Variants in MGAT5B observed in about 807,000 individuals in gnomAD.
MGAT5B encodes N-acetylglucosaminyl-transferase Vb.
In MGAT5B, 54 loss-of-function variants were observed where a neutral mutation model predicts 95.1. The ratio of observed to expected loss-of-function variants is 0.57; its 90% CI spans 0.46 to 0.71. The LOEUF (loss-of-function observed/expected upper bound fraction) is 0.71, where lower values mean the gene tolerates loss of function less well. MGAT5B is among the 30% of genes least tolerant of loss of function. The pLI is 0.00. For synonymous variants in MGAT5B, 464 were observed against 451.0 expected, an observed-to-expected ratio of 1.03 and a Z score of -0.36; for missense variants, 935 against 1,088.6, an observed-to-expected ratio of 0.86 and a Z score of 1.99.
intron 12 of MGAT5B, among the ~76,000 whole-genome samples, chr17:76,937,683 C>G (rs544892996): frequency 6.6e-6 from 1 of 152,118 alleles, no homozygotes; most frequent in Non-Finnish European, 1.5e-5. Flanking sequence ...ATTAGGGGTT[C>G]AGCAGATGCC....
Position 76,871,790 on chromosome 17 carries a change from C to T in MGAT5B, c.69-1061C>T, listed in dbSNP as rs181281419. Reference sequence around the variant, plus strand: ...CCCTGATCTGGGGTTGGTGGGAGGGCGCCCCTCTCAGCTCTACCAGTTCAT... The same window carrying T: ...CCCTGATCTGGGGTTGGTGGGAGGGTGCCCCTCTCAGCTCTACCAGTTCAT... On this transcript the variant is annotated intron_variant, in intron 1 of 17. Coordinates refer to ENST00000569840, the MANE Select transcript of MGAT5B (RefSeq NM_001199172.2). Among the ~76,000 whole-genome samples, 364 of 152,062 alleles carry T rather than the reference C, an allele frequency of 2.4e-3. 1 individual carries two copies. Among genetic ancestry groups the T allele is most frequent in the African/African-American group, 8.5e-3 (351 of 41,482 alleles).
rs992175770 is a variant in MGAT5B at position 76,948,993 on chromosome 17, G to A, written c.*155G>A. On this transcript the variant is annotated 3_prime_UTR_variant, in exon 18 of 18. Coordinates refer to ENST00000569840, the MANE Select transcript of MGAT5B (RefSeq NM_001199172.2). ...GCCGGGAAGCTGGCAGAGGAGAGCC[G>A]TGCCCGGGAATAGGAGGAGGCAGCA... 4.8e-5 allele frequency: 43 copies of A among 891,850 alleles called. No homozygotes were observed. Among genetic ancestry groups the A allele is most frequent in the Admixed American group, 2.3e-4 (8 of 35,450 alleles). 55.2% of individuals were successfully genotyped at this position (891,850 alleles called of 1,614,324 possible).
intron 8 of MGAT5B, among the ~76,000 whole-genome samples, chr17:76,924,609 C>T (rs971200154): frequency 2.0e-5 from 3 of 152,204 alleles, no homozygotes; most frequent in Non-Finnish European, 4.4e-5. Flanking sequence ...CTGAGGACTG[C>T]CGCCAGCATC....
chr17:76,897,199 G>C (rs1481705695), intron 3 of MGAT5B, among the ~76,000 whole-genome samples: 2 of 152,196 alleles, frequency 1.3e-5, no homozygotes, highest in Non-Finnish European at 2.9e-5. Context: ...CTACAGGCGT[G>C]AACCTCTGGG....
chr17:76,942,034 GGA>G (rs1386655226), intron 15 of MGAT5B, among the ~76,000 whole-genome samples: 3 of 152,210 alleles, frequency 2.0e-5, no homozygotes, highest in Admixed American at 2.0e-4. Flanking sequence ...GCCTTGAGGT[GGA>G]GTCACCGGTG....
In MGAT5B at chr17:76,948,944, C is replaced by CCCAGG; in HGVS notation, c.*109_*113dup. 1 of 1,259,224 alleles carries CCCAGG rather than the reference C, an allele frequency of 7.9e-7. No homozygotes were observed. The allele number at this position is 1,259,224 out of a possible 1,614,324, so 78.0% of individuals were successfully genotyped here. A position where few individuals can be genotyped will look rare whatever the true frequency, so the allele number is the denominator to read the frequency against. ...GGCTGCTTGTCCTCCTCGCAACCCC[C>CCCAGG]CCAGGCCGGAGCTTCCTTCCTTAGC... On this transcript the variant is annotated 3_prime_UTR_variant, in exon 18 of 18. Coordinates refer to ENST00000569840, the MANE Select transcript of MGAT5B (RefSeq NM_001199172.2).
At chr17:76,896,227 C>G (rs879901409) in intron 3 of MGAT5B, among the ~76,000 whole-genome samples, 7 of 152,206 alleles carry the variant, frequency 4.6e-5, no homozygotes, top group Non-Finnish European at 8.8e-5. Context: ...AGAAAAACCT[C>G]TCAGGGAGAG....
At chr17:76,926,548 A>G in intron 9 of MGAT5B, 49 bp from the exon 10 acceptor site, 1 of 1,562,362 alleles carries the variant, frequency 6.4e-7, no homozygotes, top group African/African-American at 1.3e-5. Flanking sequence ...CAGCCCAGGG[A>G]CACACGGGGA....
chr17:76,932,096 T>C (rs1309931802), intron 10 of MGAT5B, among the ~76,000 whole-genome samples: 12 of 77,644 alleles, frequency 1.5e-4, no homozygotes, highest in East Asian at 7.2e-4. Flanking sequence ...CCCCCCCCCC[T>C]TCTTCGTCTT....
At position 76,940,691 on chromosome 17, in the gene MGAT5B, G is replaced by A; in HGVS notation, c.1732-41G>A. On this transcript the variant is annotated intron_variant, in intron 14 of 17. Coordinates refer to ENST00000569840, the MANE Select transcript of MGAT5B (RefSeq NM_001199172.2). This position sits in a 1 kb window ranked among gnomAD's most constrained non-coding sequence, Gnocchi z 4.3. Reference sequence around the variant, plus strand: ...ACCTTTCTTTGTCCCTGTCCCACTGGCAGGCACGGGGGGCATCTGCAATCT... The same window carrying A: ...ACCTTTCTTTGTCCCTGTCCCACTGACAGGCACGGGGGGCATCTGCAATCT... 1 of 1,605,658 alleles carries A rather than the reference G, an allele frequency of 6.2e-7. No individual in the cohort carries two copies. The highest frequency in any genetic ancestry group is 8.5e-7 in the Non-Finnish European group (1 of 1,172,984).
In MGAT5B at chr17:76,940,038, G is replaced by C. The variant is rs560727615; in HGVS notation, c.1585-364G>C. 1.3e-5 allele frequency among the ~76,000 whole-genome samples: 2 copies of C among 152,276 alleles called. No homozygotes were observed. Among genetic ancestry groups the C allele is most frequent in the East Asian group, 3.9e-4 (2 of 5,186 alleles). Reference sequence around the variant, plus strand: ...GTGAGGTTCCTGGAGGTCTCTTGCAGGTGCGGGCCTGCAGCTTTCTTGGCC... The same window carrying C: ...GTGAGGTTCCTGGAGGTCTCTTGCACGTGCGGGCCTGCAGCTTTCTTGGCC... On this transcript the variant is annotated intron_variant, in intron 13 of 17. Coordinates refer to ENST00000569840, the MANE Select transcript of MGAT5B (RefSeq NM_001199172.2). This position sits in a 1 kb window ranked among gnomAD's most constrained non-coding sequence, Gnocchi z 4.3.
chr17:76,897,952 A>G (rs1336900861), intron 3 of MGAT5B, among the ~76,000 whole-genome samples: 1 of 151,674 alleles, frequency 6.6e-6, no homozygotes, highest in Non-Finnish European at 1.5e-5. Flanking sequence ...GCTACTCGGG[A>G]GGCTGAGGTA....
chr17:76,907,177 A>G (rs1968562915), intron 8 of MGAT5B, among the ~76,000 whole-genome samples: 1 of 151,534 alleles, frequency 6.6e-6, no homozygotes, highest in Non-Finnish European at 1.5e-5. Flanking sequence ...TCAGCTCCTG[A>G]GTAGCTGGGA....
At chr17:76,904,135 GTGGGCCAC>G (rs1968426878) in intron 5 of MGAT5B, 109 bp from the exon 6 acceptor site, 1 of 1,024,272 alleles carries the variant, frequency 9.8e-7, no homozygotes, top group Admixed American at 2.6e-5. Context: ...CATCAGTAGG[GTGGGCCAC>G]ATGGGCCCCA....
rs1400422681 is a variant in MGAT5B at position 76,930,233 on chromosome 17, G to A, written c.1292-2412G>A. 2.0e-5 allele frequency among the ~76,000 whole-genome samples: 3 copies of A among 152,186 alleles called. No individual in the cohort carries two copies. The highest frequency in any genetic ancestry group is 7.2e-5 in the African/African-American group (3 of 41,518). ...GGCCCAAGAATCTGTGAGCTTTGGG[G>A]GCACTTACACAGGAAAGCATCATCT... is the stretch of plus-strand genomic sequence containing the variant. On this transcript the variant is annotated intron_variant, in intron 10 of 17. Transcript: ENST00000569840. The surrounding 1 kb of genome is among the most constrained non-coding windows in gnomAD (Gnocchi z 4.1).
rs1969763385 is a variant in MGAT5B at position 76,938,973 on chromosome 17, C to G, written c.1584+830C>G. ...GGATTACAGATGTGAGCCACTGCAC[C>G]TGGCCCCAGGCCCTCTCTTGATCTC... On this transcript the variant is annotated intron_variant, in intron 13 of 17. Transcript: ENST00000569840. The surrounding 1 kb of genome is among the most constrained non-coding windows in gnomAD (Gnocchi z 4.3). 6.6e-6 allele frequency among the ~76,000 whole-genome samples: 1 copy of G among 151,698 alleles called. No individual in the cohort carries two copies. The highest frequency in any genetic ancestry group is 6.6e-5 in the Admixed American group (1 of 15,232).
At position 76,948,925 on chromosome 17, in the gene MGAT5B, T is replaced by C; in HGVS notation, c.*87T>C. 7.1e-7 allele frequency: 1 copy of C among 1,399,430 alleles called. No individual in the cohort carries two copies. Among genetic ancestry groups the C allele is most frequent in the Non-Finnish European group, 9.6e-7 (1 of 1,042,200 alleles). 86.7% of individuals were successfully genotyped at this position (1,399,430 alleles called of 1,614,324 possible). On this transcript the variant is annotated 3_prime_UTR_variant, in exon 18 of 18. Transcript: ENST00000569840. ...CCAGCAGGTTCTGAGCCCTGGCTGC[T>C]TGTCCTCCTCGCAACCCCCCCAGGC...
rs1281047822 is a variant in MGAT5B at position 76,949,163 on chromosome 17, C to T, written c.*325C>T. 8 of 322,890 alleles carry T rather than the reference C, an allele frequency of 2.5e-5. No individual in the cohort carries two copies. Among genetic ancestry groups the T allele is most frequent in the African/African-American group, 6.4e-5 (3 of 46,792 alleles). 20.0% of individuals were successfully genotyped at this position (322,890 alleles called of 1,614,324 possible). On this transcript the variant is annotated 3_prime_UTR_variant, in exon 18 of 18. Coordinates refer to ENST00000569840, the MANE Select transcript of MGAT5B (RefSeq NM_001199172.2). ...GGAGGCCCCTGGCTTTGTGCAAGGC[C>T]GGATCTGGGCCAGGTGGCGAAAGGG...
intron 5 of MGAT5B, 84 bp from the exon 6 acceptor site, chr17:76,904,168 A>AC: frequency 2.9e-6 from 4 of 1,382,886 alleles, no homozygotes; most frequent in Non-Finnish European, 2.9e-6. Flanking sequence ...TGACCTCAGG[A>AC]CCCCTGGGGG....
Sources: gnomAD v4.1 joint callset for allele counts (sites outside exome capture counted in the v4.1 genomes callset) on GRCh38, gnomAD v4.1.1 for gene constraint, Gnocchi (gnomAD v3.1) non-coding constraint, MANE v1.5 for transcripts, NCBI Gene and HGNC (gene_info 2026-07-23, HGNC 2026-07-21) for gene names.